Variants in EGFLAM observed in about 807,000 individuals in gnomAD.
EGFLAM encodes the protein pikachurin.
Under a neutral mutation model 113.1 loss-of-function variants are expected in EGFLAM, and 79 were observed. The ratio of observed to expected loss-of-function variants is 0.70; its 90% confidence interval spans 0.58 to 0.84. The LOEUF (loss-of-function observed/expected upper bound fraction) is 0.84, where lower values mean the gene tolerates loss of function less well. Ranked by LOEUF, EGFLAM falls within the 40% of genes least tolerant of loss-of-function variation. The pLI is 0.00. For synonymous variants in EGFLAM, 504 were observed against 487.6 expected, an observed-to-expected ratio of 1.03 and a Z score of -0.44; for missense variants, 1,265 against 1,291.6, an observed-to-expected ratio of 0.98 and a Z score of 0.32.
rs73075432 is a variant in EGFLAM, at chr5:38,376,145, G to C, written c.712+5683G>C. On this transcript the variant is annotated intron_variant, in intron 6 of 21. Coordinates refer to ENST00000322350, the MANE Select transcript of EGFLAM (RefSeq NM_152403.4). ...ATCAGGCAGTTGGAGTGCAGAACTG[G>C]GGGCTTTGTAAAAAATGTATTCACT... Among the ~76,000 whole-genome samples the C allele has an allele frequency of 9.0e-3, 1,366 of 151,992 alleles. 29 individuals carry two copies. The highest frequency in any genetic ancestry group is 0.032 in the African/African-American group (1,324 of 41,526).
Position 38,464,146 on chromosome 5 carries a change from G to A in EGFLAM, c.*160G>A, listed in dbSNP as rs756881854. ...GATGAGAAACTGAGAACCAAGACAG[G>A]CATCCCTGGGTGGCCTTTCCTGCTG... On this transcript the variant is annotated 3_prime_UTR_variant, in exon 22 of 22. Transcript: ENST00000322350. 16 of 970,092 alleles carry A rather than the reference G, an allele frequency of 1.6e-5. No individual in the cohort carries two copies. The highest frequency in any genetic ancestry group is 2.9e-5 in the Admixed American group (1 of 34,884). The allele number at this position is 970,092 out of a possible 1,614,324, so 60.1% of individuals were successfully genotyped here. A position where few individuals can be genotyped will look rare whatever the true frequency, so the allele number is the denominator to read the frequency against.
chr5:38,431,098 ATGT>A lies in EGFLAM; in HGVS notation c.2055-75_2055-73del. 7.3e-6 allele frequency: 9 copies of A among 1,224,954 alleles called. No homozygotes were observed. In the South Asian group the frequency reaches 1.2e-4, roughly 17 times the overall value. 75.9% of individuals were successfully genotyped at this position (1,224,954 alleles called of 1,614,324 possible). A position where few individuals can be genotyped will look rare whatever the true frequency, so the allele number is the denominator to read the frequency against. Reference sequence around the variant, plus strand: ...ACACTCACAGACACACCCAGAAATAATGTTGTACCAGCTATCTGGGCATTCCTT... The same window carrying A: ...ACACTCACAGACACACCCAGAAATAATGTACCAGCTATCTGGGCATTCCTT... On this transcript the variant is annotated intron_variant, in intron 14 of 21. Coordinates refer to ENST00000322350, the MANE Select transcript of EGFLAM (RefSeq NM_152403.4).
chr5:38,422,164 C>A (rs976594666), intron 12 of EGFLAM, among the ~76,000 whole-genome samples: 10 of 152,086 alleles, frequency 6.6e-5, no homozygotes, highest in Admixed American at 6.5e-5. Context: ...TCTTTCCCCT[C>A]CTTAGGAGTC....
chr5:38,296,927 T>G (rs891835519), intron 1 of EGFLAM, among the ~76,000 whole-genome samples: 4 of 151,850 alleles, frequency 2.6e-5, no homozygotes, highest in African/African-American at 9.7e-5. Flanking sequence ...ATAACCGCAA[T>G]CTAATTGTGA....
At chr5:38,384,455 G>T (rs1268207028) in intron 6 of EGFLAM, among the ~76,000 whole-genome samples, 1 of 152,142 alleles carries the variant, frequency 6.6e-6, no homozygotes, top group East Asian at 1.9e-4. Flanking sequence ...CAGTGTGAGT[G>T]TTGCTCCCAT....
At chr5:38,318,034 G>A (rs1026968766) in intron 1 of EGFLAM, among the ~76,000 whole-genome samples, 12 of 152,098 alleles carry the variant, frequency 7.9e-5, no homozygotes, top group African/African-American at 2.7e-4. Context: ...GGCTGTGAGC[G>A]GGCACTTGGG....
rs887640068 is a variant in EGFLAM, at chr5:38,331,914, G to A, written c.98-5606G>A. ...TCCATGTGCAGTTTTTTGTGTGGAC[G>A]TAAGTTTTTGACTCCTTTGGGTAAA... On this transcript the variant is annotated intron_variant, in intron 1 of 21. Coordinates refer to ENST00000322350, the MANE Select transcript of EGFLAM (RefSeq NM_152403.4). Among the ~76,000 whole-genome samples the A allele has an allele frequency of 7.9e-5, 12 of 152,282 alleles. No homozygotes were observed. The South Asian group carries it at 1.0e-3, about 13-fold the overall frequency.
At chr5:38,270,883 G>A (rs1757748075) in intron 1 of EGFLAM, among the ~76,000 whole-genome samples, 1 of 152,172 alleles carries the variant, frequency 6.6e-6, no homozygotes, top group Non-Finnish European at 1.5e-5. Context: ...TAGAGTGGTA[G>A]AGATGTTAAC....
chr5:38,342,588 T>A (rs548933399), intron 3 of EGFLAM, among the ~76,000 whole-genome samples: 1 of 152,174 alleles, frequency 6.6e-6, no homozygotes, highest in Non-Finnish European at 1.5e-5. Flanking sequence ...AGCTTTCAAT[T>A]TGGCAGCATT....
intron 6 of EGFLAM, among the ~76,000 whole-genome samples, chr5:38,382,261 C>T (rs968083276): frequency 3.3e-5 from 5 of 152,066 alleles, no homozygotes; most frequent in Admixed American, 2.6e-4. Context: ...ATAGTACATA[C>T]ACTTTTTCTG....
At chr5:38,283,063 C>T (rs965564931) in intron 1 of EGFLAM, among the ~76,000 whole-genome samples, 2 of 152,132 alleles carry the variant, frequency 1.3e-5, no homozygotes, top group Admixed American at 6.5e-5. Context: ...TTGTATTGCT[C>T]AGAGCTCAAG....
chr5:38,422,008 G>A (rs575426178), intron 12 of EGFLAM, among the ~76,000 whole-genome samples: 2 of 152,282 alleles, frequency 1.3e-5, no homozygotes, highest in South Asian at 4.1e-4. Flanking sequence ...GATCCAGGTG[G>A]TGGTGGTGGT....
chr5:38,291,136 C>A (rs753554714), intron 1 of EGFLAM: 1 of 152,240 alleles, frequency 6.6e-6, no homozygotes, highest in South Asian at 2.1e-4. Flanking sequence ...GCCACACTCA[C>A]TCTGTGGTGT....
At chr5:38,280,183 A>G (rs1052049009) in intron 1 of EGFLAM, among the ~76,000 whole-genome samples, 1 of 152,228 alleles carries the variant, frequency 6.6e-6, no homozygotes, top group African/African-American at 2.4e-5. Flanking sequence ...TAAAGTGATG[A>G]TGGAAAAATA....
At chr5:38,423,069 C>T (rs1313923779) in intron 12 of EGFLAM, among the ~76,000 whole-genome samples, 1 of 152,140 alleles carries the variant, frequency 6.6e-6, no homozygotes, top group Non-Finnish European at 1.5e-5. Context: ...AGACTTAAAT[C>T]CAACCAAAGC....
intron 1 of EGFLAM, among the ~76,000 whole-genome samples, chr5:38,272,724 A>G (rs1230920131): frequency 1.1e-4 from 16 of 151,848 alleles, no homozygotes; most frequent in Admixed American, 1.1e-3. Flanking sequence ...GTTGACTGAA[A>G]CATTCATCAG....
rs539380260 is a variant in EGFLAM at position 38,370,431 on chromosome 5, C to T, written c.681C>T (p.Arg227=). 3.1e-6 allele frequency: 5 copies of T among 1,614,174 alleles called. No homozygotes were observed. In the African/African-American group the frequency reaches 5.3e-5, roughly 17 times the overall value. The change falls in exon 6 of 22, where the codon CGC becomes CGT. Residue 227 remains arginine, a synonymous_variant. Transcript: ENST00000322350. ...TGAATTCCCATGGCCCCAGCCCCCGCAGCTGGCCCAGTGACATCATCCGGA... is the reference window on the plus strand; with the variant it reads ...TGAATTCCCATGGCCCCAGCCCCCGTAGCTGGCCCAGTGACATCATCCGGA... ...RAMNSHGPSP[R]SWPSDIIRTL... is the part of the protein sequence containing the mutation.
chr5:38,421,426 C>A (rs755509756), intron 12 of EGFLAM, among the ~76,000 whole-genome samples: 1 of 152,230 alleles, frequency 6.6e-6, no homozygotes, highest in African/African-American at 2.4e-5. Flanking sequence ...AGTCACAGAG[C>A]CACTTCCCAG....
chr5:38,454,975 CTGTTT>C (rs1280216202), intron 19 of EGFLAM, among the ~76,000 whole-genome samples: 1 of 152,060 alleles, frequency 6.6e-6, no homozygotes, highest in African/African-American at 2.4e-5. Flanking sequence ...TTTCTGTTTT[CTGTTT>C]TGTTTTTGTT....
Sources: allele counts gnomAD v4.1 joint callset (sites outside exome capture counted in the v4.1 genomes callset), GRCh38; gene constraint gnomAD v4.1.1; transcripts MANE v1.5; gene names NCBI Gene and HGNC (gene_info 2026-07-23, HGNC 2026-07-21).